The following PIP5K1B variants were observed in gnomAD, a reference collection of about 807,000 sequenced individuals.
PIP5K1B encodes phosphatidylinositol-4-phosphate 5-kinase type 1 beta, also known as phosphatidylinositol 4-phosphate 5-kinase type-1 beta.
A neutral mutation model predicts 67.0 loss-of-function variants in PIP5K1B; 42 were observed. That is an observed-to-expected ratio of 0.63 (90% CI 0.49 to 0.81). The LOEUF is 0.81. Among genes scored for constraint, PIP5K1B ranks in the 30% least tolerant of loss-of-function variants. The probability of loss-of-function intolerance (pLI) is 0.00; values close to 1 mark genes in which losing one functional copy is unlikely to be tolerated. For synonymous variants in PIP5K1B, 214 were observed against 231.4 expected (o/e 0.92, Z 0.68); for missense variants, 459 against 646.3 (o/e 0.71, Z 3.14).
At chr9:68,871,480 T>C (rs1332997974) in intron 5 of PIP5K1B, among the ~76,000 whole-genome samples, 1 of 152,204 alleles carries the variant, frequency 6.6e-6, no homozygotes, top group East Asian at 1.9e-4. Context: ...TGAACATACG[T>C]TGCCATTAAG....
At chr9:68,722,677 G>C (rs1827948164) in intron 1 of PIP5K1B, among the ~76,000 whole-genome samples, 1 of 149,492 alleles carries the variant, frequency 6.7e-6, no homozygotes, top group African/African-American at 2.5e-5. Context: ...TTTATTATTA[G>C]TATATCATAT....
rs1182290896 is a variant in PIP5K1B, at chr9:69,008,494, A to C, written c.*45A>C. 18 of 1,601,816 alleles carry C rather than the reference A, an allele frequency of 1.1e-5. No homozygotes were observed. Among genetic ancestry groups the C allele is most frequent in the Non-Finnish European group, 1.5e-5 (18 of 1,168,924 alleles). ...AAGCACATGGATGAGACGTGAGCACAGTTATGGCAGAGAAGTTTCTCCGCA... is the reference window on the plus strand; with the variant it reads ...AAGCACATGGATGAGACGTGAGCACCGTTATGGCAGAGAAGTTTCTCCGCA... On this transcript the variant is annotated 3_prime_UTR_variant, in exon 16 of 16. Transcript: ENST00000265382.
chr9:68,918,475 T>C (rs1419502520), intron 9 of PIP5K1B, among the ~76,000 whole-genome samples: 2 of 152,228 alleles, frequency 1.3e-5, no homozygotes, highest in Non-Finnish European at 2.9e-5. Context: ...ATTCTGTTGT[T>C]CTAGTCCTGC....
At position 68,762,901 on chromosome 9, in the gene PIP5K1B, G is replaced by A. The variant is rs115811915; in HGVS notation, c.-86+20244G>A. On this transcript the variant is annotated intron_variant, in intron 2 of 15. Coordinates refer to ENST00000265382, the MANE Select transcript of PIP5K1B (RefSeq NM_003558.4). ...CACGTGTTAACATTTTCCTCACTCTGTAGTCTATATGAGTGGTACCCTCTG... is the reference window on the plus strand; with the variant it reads ...CACGTGTTAACATTTTCCTCACTCTATAGTCTATATGAGTGGTACCCTCTG... 5.2e-3 allele frequency among the ~76,000 whole-genome samples: 790 copies of A among 152,186 alleles called. 7 individuals carry two copies. Among genetic ancestry groups the A allele is most frequent in the African/African-American group, 0.018 (758 of 41,526 alleles).
chr9:68,861,238 AT>A (rs1468283172), intron 4 of PIP5K1B, among the ~76,000 whole-genome samples: 2 of 152,246 alleles, frequency 1.3e-5, no homozygotes, highest in Admixed American at 1.3e-4. Flanking sequence ...TCTTTTCAAA[AT>A]CTTACTCCTC....
At chr9:68,838,644 T>C (rs1428985287) in intron 4 of PIP5K1B, among the ~76,000 whole-genome samples, 3 of 152,172 alleles carry the variant, frequency 2.0e-5, no homozygotes, top group East Asian at 3.8e-4. Flanking sequence ...AACTATTGAA[T>C]ACTGTACTCA....
At position 68,934,774 on chromosome 9, in the gene PIP5K1B, CTTCTA is replaced by C. The variant is rs1483326551; in HGVS notation, c.1202-112_1202-108del. 3 of 688,886 alleles carry C rather than the reference CTTCTA, an allele frequency of 4.4e-6. No individual in the cohort carries two copies. In the African/African-American group the frequency reaches 5.6e-5, roughly 13 times the overall value. 42.7% of individuals were successfully genotyped at this position (688,886 alleles called of 1,614,324 possible). On this transcript the variant is annotated intron_variant, in intron 12 of 15. Transcript: ENST00000265382. Reference sequence around the variant, plus strand: ...CATATATATAAAATAAGCGTCTTGTCTTCTATTCAAATAATAACTAAAATGTTAAT... The same window carrying C: ...CATATATATAAAATAAGCGTCTTGTCTTCAAATAATAACTAAAATGTTAAT...
chr9:68,766,263 C>CT (rs1393488384), intron 2 of PIP5K1B, among the ~76,000 whole-genome samples: 1 of 151,922 alleles, frequency 6.6e-6, no homozygotes, highest in Non-Finnish European at 1.5e-5. Context: ...TTTTTTGCTG[C>CT]TTTTTTTATA....
rs144990513 is a variant in PIP5K1B, at chr9:68,936,798, C to T, written c.1357+1753C>T. Among the ~76,000 whole-genome samples the T allele has an allele frequency of 1.1e-4, 17 of 152,298 alleles. No homozygotes were observed. In the East Asian group the frequency reaches 3.3e-3, roughly 29 times the overall value. On this transcript the variant is annotated intron_variant, in intron 13 of 15. Transcript: ENST00000265382. ...GACATTCATCCCTTTCTCCTAAGCT[C>T]CCCTGCACTGGCATCTCCCACACTA...
chr9:68,848,022 A>C, intron 4 of PIP5K1B, among the ~76,000 whole-genome samples: 1 of 152,168 alleles, frequency 6.6e-6, no homozygotes, highest in Non-Finnish European at 1.5e-5. Context: ...TAACAGATCT[A>C]GGTTCAAGGG....
intron 2 of PIP5K1B, among the ~76,000 whole-genome samples, chr9:68,769,847 G>GC (rs1830597692): frequency 6.6e-6 from 1 of 152,180 alleles, no homozygotes; most frequent in African/African-American, 2.4e-5. Flanking sequence ...AAAATGCCTA[G>GC]CAGGGTACCT....
At chr9:68,841,774 T>C (rs984338837) in intron 4 of PIP5K1B, among the ~76,000 whole-genome samples, 4 of 152,192 alleles carry the variant, frequency 2.6e-5, no homozygotes, top group African/African-American at 9.7e-5. Context: ...TGACCATCAT[T>C]TGAGGTGGAA....
At chr9:68,794,918 T>C (rs1832203383) in intron 2 of PIP5K1B, among the ~76,000 whole-genome samples, 1 of 152,196 alleles carries the variant, frequency 6.6e-6, no homozygotes, top group South Asian at 2.1e-4. Context: ...GTCTGGATCC[T>C]TTACAAAAGA....
intron 2 of PIP5K1B, among the ~76,000 whole-genome samples, chr9:68,771,222 G>GT (rs1830657745): frequency 6.6e-6 from 1 of 152,158 alleles, no homozygotes; most frequent in Non-Finnish European, 1.5e-5. Context: ...ACATGCTGTG[G>GT]TTCTATCCCT....
chr9:68,933,417 ATAAC>A (rs1232420176), intron 12 of PIP5K1B, among the ~76,000 whole-genome samples: 1 of 152,240 alleles, frequency 6.6e-6, no homozygotes, highest in Non-Finnish European at 1.5e-5. Context: ...TAAGGTAAAC[ATAAC>A]TTATTTTTTA....
At chr9:68,818,742 G>GT (rs1418816796) in intron 3 of PIP5K1B, among the ~76,000 whole-genome samples, 197 bp downstream of exon 3, 1 of 151,550 alleles carries the variant, frequency 6.6e-6, no homozygotes, top group African/African-American at 2.4e-5. Context: ...TGCCAGAAGG[G>GT]TTAAAAAAAA....
chr9:68,708,623 G>A (rs905170731), intron 1 of PIP5K1B, among the ~76,000 whole-genome samples: 23 of 141,142 alleles, frequency 1.6e-4, no homozygotes, highest in Non-Finnish European at 9.0e-5. Context: ...TTTATGAAAG[G>A]GTATGTCTTG....
chr9:68,934,996 G>A lies in PIP5K1B; in HGVS notation c.1308G>A (p.Lys436=). The A allele has an allele frequency of 6.2e-7, 1 of 1,613,824 alleles. No homozygotes were observed. Among genetic ancestry groups the A allele is most frequent in the Non-Finnish European group, 8.5e-7 (1 of 1,179,800 alleles). Reference sequence around the variant, plus strand: ...TTAGCCAGGAATGGAAGGATGAGAAGCGGGATTTGCTGACTGAAGGACAAA... The same window carrying A: ...TTAGCCAGGAATGGAAGGATGAGAAACGGGATTTGCTGACTGAAGGACAAA... The part of the protein sequence containing the change: ...SSISQEWKDE[K]RDLLTEGQSF... The change falls in exon 13 of 16, where the codon AAG becomes AAA. Residue 436 remains lysine (K), a synonymous_variant. Transcript: ENST00000265382.
intron 2 of PIP5K1B, among the ~76,000 whole-genome samples, chr9:68,747,090 C>T (rs1829351247): frequency 6.6e-6 from 1 of 151,786 alleles, no homozygotes; most frequent in Non-Finnish European, 1.5e-5. Flanking sequence ...CTTTCCCTGC[C>T]TACTCCATAG....
Sources: allele counts gnomAD v4.1 joint callset (sites outside exome capture counted in the v4.1 genomes callset), GRCh38; gene constraint gnomAD v4.1.1; transcripts MANE v1.5; gene names NCBI Gene and HGNC (gene_info 2026-07-23, HGNC 2026-07-21).